GEN1: variants seen among roughly 807,000 people sequenced by gnomAD.
The protein encoded by GEN1 is GEN1 structure-specific endonuclease, also known as flap endonuclease GEN homolog 1.
Under a neutral mutation model 67.6 loss-of-function variants are expected in GEN1, and 64 were observed. The ratio of observed to expected loss-of-function variants is 0.95; its 90% confidence interval spans 0.77 to 1.17. The LOEUF (loss-of-function observed/expected upper bound fraction) is 1.17. Ranked by LOEUF, GEN1 falls within the 50% of genes most tolerant of loss-of-function variation. The pLI, the probability that GEN1 is intolerant of heterozygous loss-of-function variation, is 0.00. For missense variants in GEN1, 1,058 were observed against 1,048.3 expected (o/e 1.01, Z -0.13); for synonymous variants, 371 against 359.4 (o/e 1.03, Z -0.37).
intron 11 of GEN1, among the ~76,000 whole-genome samples, chr2:17,776,857 G>A (rs1394463423): frequency 6.6e-6 from 1 of 152,184 alleles, no homozygotes; most frequent in Non-Finnish European, 1.5e-5. Flanking sequence ...GCTGGGCGTG[G>A]TGGTTTATGC....
At chr2:17,759,389 A>C (rs1376221479) in intron 1 of GEN1, among the ~76,000 whole-genome samples, 1 of 152,226 alleles carries the variant, frequency 6.6e-6, no homozygotes, top group African/African-American at 2.4e-5. Context: ...AAAAGTTATA[A>C]GTGATTAAAA....
rs1352318597 is a variant in GEN1, at chr2:17,766,559, T to C, written c.526-20T>C. 2 of 1,298,686 alleles carry C rather than the reference T, an allele frequency of 1.5e-6. No individual in the cohort carries two copies. The highest frequency in any genetic ancestry group is 4.6e-5 in the East Asian group (2 of 43,028). 80.4% of individuals were successfully genotyped at this position (1,298,686 alleles called of 1,614,324 possible). ...AATATGTACTTTTTGAGGATTAAAC[T>C]AAATCTGTTCTTTCTTTAGGACCCA... On this transcript the variant is annotated intron_variant, in intron 4 of 13. Coordinates refer to ENST00000381254, the MANE Select transcript of GEN1 (RefSeq NM_001130009.3).
chr2:17,786,654 G>A lies in GEN1; in HGVS notation c.*4715G>A, dbSNP rs1250585058. 6.6e-6 allele frequency: 1 copy of A among 152,098 alleles called. No homozygotes were observed. The highest frequency in any genetic ancestry group is 1.5e-5 in the Non-Finnish European group (1 of 68,024). 9.4% of individuals were successfully genotyped at this position (152,098 alleles called of 1,614,324 possible). A position where few individuals can be genotyped will look rare whatever the true frequency, so the allele number is the denominator to read the frequency against. ...AGTGAAAACAATTCTCTGTATTTAT[G>A]TTTCCATACATCATTCAGTTCTTGA... On this transcript the variant is annotated 3_prime_UTR_variant, in exon 14 of 14. Transcript: ENST00000381254.
rs1672901721 is a variant in GEN1, at chr2:17,782,708, G to C, written c.*769G>C. 1 of 152,156 alleles carries C rather than the reference G, an allele frequency of 6.6e-6. No individual in the cohort carries two copies. Among genetic ancestry groups the C allele is most frequent in the South Asian group, 2.1e-4 (1 of 4,832 alleles). The allele number at this position is 152,156 out of a possible 1,614,324, so 9.4% of individuals were successfully genotyped here. ...GTATAACCAAAAGGATTAGAAACTA[G>C]CCCAGGATCACGTAGCTAACTAATA... On this transcript the variant is annotated 3_prime_UTR_variant, in exon 14 of 14. Coordinates refer to ENST00000381254, the MANE Select transcript of GEN1 (RefSeq NM_001130009.3).
intron 11 of GEN1, among the ~76,000 whole-genome samples, chr2:17,775,187 G>T (rs955820344): frequency 6.6e-6 from 1 of 152,110 alleles, no homozygotes; most frequent in African/African-American, 2.4e-5. Flanking sequence ...ATGTCTGTAA[G>T]CAACAGAAGG....
chr2:17,779,839 C>G, intron 12 of GEN1, 139 bp from the exon 13 acceptor site: 1 of 550,574 alleles, frequency 1.8e-6, no homozygotes, highest in South Asian at 2.1e-5. Flanking sequence ...TCAGGCTGGT[C>G]TCGAACTCCT....
Position 17,778,323 on chromosome 2 carries a change from C to CACACAT in GEN1, c.1264+260_1264+261insACACAT, listed in dbSNP as rs1553331284. On this transcript the variant is annotated intron_variant, in intron 12 of 13. Coordinates refer to ENST00000381254, the MANE Select transcript of GEN1 (RefSeq NM_001130009.3). ...GTACATATATGTATATACACACACA[C>CACACAT]GTGTACATATATGTATACACACACA... Among the ~76,000 whole-genome samples, 16 of 30,876 alleles carry CACACAT rather than the reference C, an allele frequency of 5.2e-4. 3 individuals are homozygous for CACACAT. The highest frequency in any genetic ancestry group is 1.7e-3 in the African/African-American group (16 of 9,360). The allele number at this position is 30,876 out of a possible 152,430, so 20.3% of individuals were successfully genotyped here.
At chr2:17,768,640 T>G in intron 5 of GEN1, 98 bp from the exon 6 acceptor site, 1 of 838,754 alleles carries the variant, frequency 1.2e-6, no homozygotes, top group South Asian at 1.7e-5. Flanking sequence ...AAGAGTTACC[T>G]CATTCTTTCA....
intron 3 of GEN1, 48 bp downstream of exon 3, chr2:17,761,630 G>T (rs1671683780): frequency 7.8e-7 from 1 of 1,279,820 alleles, no homozygotes; most frequent in Non-Finnish European, 1.1e-6. Context: ...ATTAAAGGGT[G>T]CATTTTACTC....
intron 6 of GEN1, 132 bp from the exon 7 acceptor site, chr2:17,771,063 AG>A: frequency 1.4e-6 from 1 of 699,244 alleles, no homozygotes; most frequent in Non-Finnish European, 2.6e-6. Context: ...ACACTAGGCC[AG>A]CAACTTTATC....
chr2:17,768,093 G>T (rs183288279), intron 5 of GEN1, among the ~76,000 whole-genome samples: 256 of 152,328 alleles, frequency 1.7e-3, no homozygotes, highest in Middle Eastern at 0.01. Flanking sequence ...CAGTTAACAC[G>T]AGTGTGTAAA....
At position 17,778,209 on chromosome 2, in the gene GEN1, T is replaced by TGC. The variant is rs1672558961; in HGVS notation, c.1264+146_1264+147insGC. On this transcript the variant is annotated intron_variant, in intron 12 of 13. Transcript: ENST00000381254. ...ATATACACACACACATATATGTGTA[T>TGC]ATATATGTATACACACACATATATG... 9 of 229,218 alleles carry TGC rather than the reference T, an allele frequency of 3.9e-5. No homozygotes were observed. In the East Asian group the frequency reaches 7.1e-4, roughly 18 times the overall value. The allele number at this position is 229,218 out of a possible 1,614,324, so 14.2% of individuals were successfully genotyped here. A position where few individuals can be genotyped will look rare whatever the true frequency, so the allele number is the denominator to read the frequency against.
chr2:17,770,192 C>G (rs569873193), intron 6 of GEN1, among the ~76,000 whole-genome samples: 15 of 152,256 alleles, frequency 9.9e-5, no homozygotes, highest in Admixed American at 3.3e-4. Context: ...CCAAACCATT[C>G]TTATTGAAAC....
At chr2:17,756,928 G>T (rs565271777) in intron 1 of GEN1, among the ~76,000 whole-genome samples, 1 of 152,124 alleles carries the variant, frequency 6.6e-6, no homozygotes, top group African/African-American at 2.4e-5. Context: ...TATCACTTCC[G>T]CGGAACAGCT....
rs1672855966 is a variant in GEN1, at chr2:17,781,844, C to T, written c.2632C>T (p.Leu878=). ...TTCAACAAAAAGTTCTCTGAGTTCT[C>T]TACAATGTCATAAGAAAGAAAACAA... ...PDSTKSSLSS[L]QCHKKENNSG... The change falls in exon 14 of 14, where the codon CTA becomes TTA. Residue 878 remains leucine (L), a synonymous_variant. Transcript: ENST00000381254. The T allele has an allele frequency of 1.3e-6, 2 of 1,595,326 alleles. No individual in the cohort carries two copies. The highest frequency in any genetic ancestry group is 4.6e-5 in the East Asian group (2 of 43,456).
chr2:17,768,084 A>C (rs1336939016), intron 5 of GEN1, among the ~76,000 whole-genome samples: 1 of 152,238 alleles, frequency 6.6e-6, no homozygotes, highest in Non-Finnish European at 1.5e-5. Context: ...TTTACTAACC[A>C]GTTAACACGA....
rs766722189 is a variant in GEN1, at chr2:17,768,715, T to C, written c.637-23T>C. 5.6e-5 allele frequency: 86 copies of C among 1,530,750 alleles called. No homozygotes were observed. Among genetic ancestry groups the C allele is most frequent in the Non-Finnish European group, 7.4e-5 (82 of 1,109,416 alleles). 94.8% of individuals were successfully genotyped at this position (1,530,750 alleles called of 1,614,324 possible). ...TTCCTAGTGATTAACATTGGAATTATTTTTTTTCCCACTTTCTGAAAGGGA... is the reference window on the plus strand; with the variant it reads ...TTCCTAGTGATTAACATTGGAATTACTTTTTTTCCCACTTTCTGAAAGGGA... On this transcript the variant is annotated intron_variant, in intron 5 of 13. Coordinates refer to ENST00000381254, the MANE Select transcript of GEN1 (RefSeq NM_001130009.3).
chr2:17,782,191 A>G lies in GEN1; in HGVS notation c.*252A>G. 1 of 308,904 alleles carries G rather than the reference A, an allele frequency of 3.2e-6. No homozygotes were observed. Among genetic ancestry groups the G allele is most frequent in the Non-Finnish European group, 5.9e-6 (1 of 169,156 alleles). 19.1% of individuals were successfully genotyped at this position (308,904 alleles called of 1,614,324 possible). A position where few individuals can be genotyped will look rare whatever the true frequency, so the allele number is the denominator to read the frequency against. On this transcript the variant is annotated 3_prime_UTR_variant, in exon 14 of 14. Transcript: ENST00000381254. ...ACTATTCCTTAATTGTAGTTTTAAA[A>G]TATTGGTATAGTACTTGACAGAGTA...
At position 17,774,037 on chromosome 2, in the gene GEN1, G is replaced by A. The variant is rs7556996; in HGVS notation, c.1072-234G>A. Among the ~76,000 whole-genome samples the A allele has an allele frequency of 0.14, 20,623 of 152,038 alleles. 1,682 individuals are homozygous for A. The highest frequency in any genetic ancestry group is 0.23 in the African/African-American group (9,704 of 41,482). On this transcript the variant is annotated intron_variant, in intron 10 of 13. Transcript: ENST00000381254. ...TAAAACTGAGGCTAAGAGAGTTTAA[G>A]TAAGTTACCCAACATCTAAGAAATA...
Sources: gnomAD v4.1 joint callset for allele counts (sites outside exome capture counted in the v4.1 genomes callset) on GRCh38, gnomAD v4.1.1 for gene constraint, MANE v1.5 for transcripts, NCBI Gene and HGNC (gene_info 2026-07-23, HGNC 2026-07-21) for gene names.